FREM2: variants seen among roughly 807,000 people sequenced by gnomAD.
FREM2 encodes the protein FRAS1 related extracellular matrix 2, also known as FRAS1-related extracellular matrix protein 2.
In FREM2, 119 loss-of-function variants were observed where a neutral mutation model predicts 219.9. The observed-to-expected ratio is 0.54, with a 90% CI of 0.47 to 0.63. The LOEUF is 0.63. Among genes scored for constraint, FREM2 ranks in the 30% least tolerant of loss-of-function variants. FREM2 has a pLI of 0.00. For synonymous variants in FREM2, 1,562 were observed against 1,522.8 expected, an observed-to-expected ratio of 1.03 and a Z score of -0.60; for missense variants, 4,030 against 3,993.6, an observed-to-expected ratio of 1.01 and a Z score of -0.25.
At chr13:38,861,793 C>T (rs555880746) in intron 15 of FREM2, among the ~76,000 whole-genome samples, 18 of 152,256 alleles carry the variant, frequency 1.2e-4, no homozygotes, top group Admixed American at 2.6e-4. Context: ...TATCCAGACA[C>T]GATAAAACAA....
At chr13:38,776,746 A>C (rs1873882917) in intron 4 of FREM2, among the ~76,000 whole-genome samples, 4 of 152,068 alleles carry the variant, frequency 2.6e-5, no homozygotes, top group African/African-American at 9.7e-5. Context: ...AACCATATGC[A>C]CTTTCTATTC....
intron 5 of FREM2, 105 bp from the exon 6 acceptor site, chr13:38,784,452 T>C (rs1028409689): frequency 1.6e-6 from 2 of 1,280,244 alleles, no homozygotes; most frequent in African/African-American, 2.9e-5. Context: ...GGTGTTCATG[T>C]CTACTAACTG....
At chr13:38,835,809 G>T (rs1210551931) in intron 6 of FREM2, among the ~76,000 whole-genome samples, 1 of 152,246 alleles carries the variant, frequency 6.6e-6, no homozygotes, top group Admixed American at 6.5e-5. Flanking sequence ...CTGAGACTTT[G>T]CTGAAGTTGC....
intron 2 of FREM2, among the ~76,000 whole-genome samples, chr13:38,746,243 C>A (rs1232109680): frequency 1.3e-5 from 2 of 152,082 alleles, no homozygotes; most frequent in South Asian, 2.1e-4. Context: ...CCTATTTTAC[C>A]TTTTGATAAG....
chr13:38,745,790 A>T (rs974621611), intron 2 of FREM2, among the ~76,000 whole-genome samples: 2 of 152,156 alleles, frequency 1.3e-5, no homozygotes, highest in Admixed American at 6.6e-5. Context: ...GAAATCTCAG[A>T]GTCAATGCTG....
In FREM2 at chr13:38,796,919, T is replaced by G. The variant is rs1416604552; in HGVS notation, c.6019+12111T>G. Among the ~76,000 whole-genome samples, 2 of 152,050 alleles carry G rather than the reference T, an allele frequency of 1.3e-5. 1 individual carries two copies. Among genetic ancestry groups the G allele is most frequent in the Admixed American group, 1.3e-4 (2 of 15,226 alleles). On this transcript the variant is annotated intron_variant, in intron 6 of 23. Transcript: ENST00000280481. ...TTTTTGAGGCAGAGTTTTGCTATGTTTCACAAGCTGGAGTGCAGTGGTGCA... is the reference window on the plus strand; with the variant it reads ...TTTTTGAGGCAGAGTTTTGCTATGTGTCACAAGCTGGAGTGCAGTGGTGCA...
chr13:38,731,963 T>C (rs1258129479), intron 2 of FREM2, among the ~76,000 whole-genome samples: 1 of 152,172 alleles, frequency 6.6e-6, no homozygotes, highest in Non-Finnish European at 1.5e-5. Flanking sequence ...ATAAAAAAGA[T>C]GATTCTGAAT....
At chr13:38,729,918 A>T (rs770911159) in intron 2 of FREM2, among the ~76,000 whole-genome samples, 6 of 152,230 alleles carry the variant, frequency 3.9e-5, no homozygotes, top group Non-Finnish European at 4.4e-5. Context: ...CCATATTTTT[A>T]AAAAATAAGA....
chr13:38,800,452 A>G (rs571515185), intron 6 of FREM2, among the ~76,000 whole-genome samples: 105 of 152,162 alleles, frequency 6.9e-4, no homozygotes, highest in Non-Finnish European at 1.3e-3. Context: ...TTTATAGGTG[A>G]CTAGAAGCTT....
Position 38,848,590 on chromosome 13 carries a change from T to A in FREM2, c.6299T>A (p.Leu2100Gln). ...PALEGIEKFE[L>Q]VLRMPMNAAL... ...CTGGAGGGAATTGAGAAATTTGAAC[T>A]GGTGCTTCGCATGCCTATGAACGCA... is the stretch of plus-strand genomic sequence containing the variant. Residue 2100 changes from leucine to glutamine, a missense_variant, in exon 8 of 24, where the codon CTG becomes CAG. Transcript: ENST00000280481. 6.2e-7 allele frequency: 1 copy of A among 1,614,074 alleles called. No homozygotes were observed. The highest frequency in any genetic ancestry group is 8.5e-7 in the Non-Finnish European group (1 of 1,179,974).
intron 2 of FREM2, among the ~76,000 whole-genome samples, chr13:38,717,788 G>A (rs9532270): frequency 0.12 from 18,272 of 152,158 alleles, 1,288 homozygotes; most frequent in Middle Eastern, 0.24. Flanking sequence ...AAGTTCCCAC[G>A]ATTCAAGCTT....
chr13:38,710,455 C>T (rs1870725689), intron 2 of FREM2, among the ~76,000 whole-genome samples: 2 of 152,130 alleles, frequency 1.3e-5, no homozygotes. Flanking sequence ...TGAACCCTGG[C>T]TCTGCCAAGT....
intron 2 of FREM2, among the ~76,000 whole-genome samples, chr13:38,752,041 T>C (rs529355842): frequency 2.0e-5 from 3 of 152,308 alleles, no homozygotes; most frequent in African/African-American, 7.2e-5. Flanking sequence ...ACTAATTAAA[T>C]AATACTACAC....
chr13:38,806,093 G>GA (rs1441753088), intron 6 of FREM2, among the ~76,000 whole-genome samples: 1 of 151,296 alleles, frequency 6.6e-6, no homozygotes, highest in Non-Finnish European at 1.5e-5. Context: ...GAGAGGGTAG[G>GA]AAAAAAATGA....
intron 2 of FREM2, among the ~76,000 whole-genome samples, chr13:38,741,889 A>T (rs1872263424): frequency 6.6e-6 from 1 of 152,192 alleles, no homozygotes; most frequent in Non-Finnish European, 1.5e-5. Context: ...TTGTCTGGAG[A>T]AAAAGACACT....
chr13:38,819,311 T>G (rs1218232613), intron 6 of FREM2, among the ~76,000 whole-genome samples: 17 of 152,162 alleles, frequency 1.1e-4, no homozygotes. Context: ...AGCAGCCACT[T>G]GAATTTCTCC....
intron 6 of FREM2, among the ~76,000 whole-genome samples, chr13:38,844,655 A>C (rs1877084638): frequency 6.6e-6 from 1 of 152,144 alleles, no homozygotes; most frequent in Non-Finnish European, 1.5e-5. Context: ...GGGAGGTATC[A>C]TTGTTAAATA....
chr13:38,792,228 A>C (rs1001875611), intron 6 of FREM2, among the ~76,000 whole-genome samples: 7 of 152,178 alleles, frequency 4.6e-5, no homozygotes, highest in Non-Finnish European at 2.9e-5. Context: ...ACGTGCCTGT[A>C]ATCCCAGCTA....
At chr13:38,758,546 A>G (rs1467817597) in intron 2 of FREM2, among the ~76,000 whole-genome samples, 2 of 152,190 alleles carry the variant, frequency 1.3e-5, no homozygotes, top group African/African-American at 4.8e-5. Context: ...GTTGAATGCC[A>G]GCCCCTGGGG....
Sources: gnomAD v4.1 joint callset for allele counts (sites outside exome capture counted in the v4.1 genomes callset) on GRCh38, gnomAD v4.1.1 for gene constraint, MANE v1.5 for transcripts, NCBI Gene and HGNC (gene_info 2026-07-23, HGNC 2026-07-21) for gene names.